The following TMCO6 variants were observed in gnomAD, a reference collection of about 807,000 sequenced individuals.
The protein encoded by TMCO6 is transmembrane and coiled-coil domains 6, also known as transmembrane and coiled-coil domain-containing protein 6.
In TMCO6, 47 loss-of-function variants were observed where a neutral mutation model predicts 61.8. That is an observed-to-expected ratio of 0.76 (90% CI 0.60 to 0.97). The LOEUF is 0.97. Ranked by LOEUF, TMCO6 falls within the 50% of genes least tolerant of loss-of-function variation. The pLI is 0.00. For synonymous variants in TMCO6, 261 were observed against 254.2 expected, an observed-to-expected ratio of 1.03 and a Z score of -0.25; for missense variants, 557 against 601.6, an observed-to-expected ratio of 0.93 and a Z score of 0.78.
At chr5:140,647,027 C>G (rs577196441), downstream of TMCO6, 1 of 503,788 alleles carries the variant, frequency 2.0e-6, no homozygotes. Flanking sequence ...ACGTCAGCTC[C>G]TGGTCCCTAC....
chr5:140,644,858 C>T (rs998662281), intron 11 of TMCO6, 118 bp downstream of exon 11: 6 of 1,507,270 alleles, frequency 4.0e-6, no homozygotes, highest in Non-Finnish European at 5.4e-6. Context: ...TATATAGGTT[C>T]CATGTCAGAA....
chr5:140,614,762 C>CCG, the TMCO6 span, among the ~76,000 whole-genome samples: 1 of 151,974 alleles, frequency 6.6e-6, no homozygotes, highest in Non-Finnish European at 1.5e-5. Context: ...CTACAGGCGC[C>CCG]CGCCACCACG....
chr5:140,642,952 G>A lies in TMCO6; in HGVS notation c.717G>A (p.Gln239=), dbSNP rs1757135925. 1 of 1,614,134 alleles carries A rather than the reference G, an allele frequency of 6.2e-7. No individual in the cohort carries two copies. The highest frequency in any genetic ancestry group is 1.7e-5 in the Admixed American group (1 of 60,014). Residue 239 remains glutamine (Q), a synonymous_variant, in exon 7 of 12, where the codon CAG becomes CAA. Coordinates refer to ENST00000394671, the MANE Select transcript of TMCO6 (RefSeq NM_018502.5). ...CCATCTTGGCCTCCACTCTCCCTCA[G>A]CACATGCTACAAATGTTGCAACCTG... ...IPSILASTLP[Q]HMLQMLQPGP...
In TMCO6 at chr5:140,644,212, T is replaced by A; in HGVS notation, c.1200+18T>A. On this transcript the variant is annotated intron_variant, in intron 10 of 11. Coordinates refer to ENST00000394671, the MANE Select transcript of TMCO6 (RefSeq NM_018502.5). The stretch of plus-strand genomic sequence containing the variant: ...GCGTAATGGTATGTATTGGGGTTAC[T>A]TGAATCCAAGATCTGGTAGTCGGAT... 6.2e-7 allele frequency: 1 copy of A among 1,611,088 alleles called. No individual in the cohort carries two copies. Among genetic ancestry groups the A allele is most frequent in the South Asian group, 1.1e-5 (1 of 91,032 alleles).
upstream of TMCO6, among the ~76,000 whole-genome samples, chr5:140,637,610 G>A (rs1474195152): frequency 6.6e-6 from 1 of 152,110 alleles, no homozygotes; most frequent in Non-Finnish European, 1.5e-5. Flanking sequence ...GGTTGAACGT[G>A]CCTCATTATA....
At chr5:140,647,072 C>T, downstream of TMCO6, 1 of 681,594 alleles carries the variant, frequency 1.5e-6, no homozygotes, top group Non-Finnish European at 2.3e-6. Context: ...TTATGTTGCC[C>T]GGAATACAAC....
At chr5:140,607,154 A>G in the TMCO6 span, among the ~76,000 whole-genome samples, 2 of 152,162 alleles carry the variant, frequency 1.3e-5, no homozygotes, top group Non-Finnish European at 2.9e-5. Context: ...GCTTTTCATC[A>G]TCCTAAACAG....
intron 7 of TMCO6, 42 bp from the exon 8 acceptor site, chr5:140,643,522 A>AT (rs750721159): frequency 6.4e-7 from 1 of 1,567,122 alleles, no homozygotes; most frequent in Non-Finnish European, 8.8e-7. Flanking sequence ...TAAAGGTGGA[A>AT]TTGACTATAT....
chr5:140,643,359 GC>G, intron 7 of TMCO6: 1 of 607,100 alleles, frequency 1.6e-6, no homozygotes. Flanking sequence ...ACTATGCCCG[GC>G]TAATTTTTGT....
intron 2 of TMCO6, among the ~76,000 whole-genome samples, chr5:140,640,080 T>C (rs1281713644): frequency 6.6e-6 from 1 of 152,166 alleles, no homozygotes; most frequent in African/African-American, 2.4e-5. Flanking sequence ...TTTGGAGTCT[T>C]TACATGCCTC....
the TMCO6 span, among the ~76,000 whole-genome samples, chr5:140,623,561 T>C: frequency 6.6e-6 from 1 of 152,192 alleles, no homozygotes; most frequent in Non-Finnish European, 1.5e-5. Context: ...CCCGCAACAG[T>C]TCAAGTTACA....
chr5:140,632,735 A>G, the TMCO6 span: 3 of 1,613,574 alleles, frequency 1.9e-6, no homozygotes, highest in Admixed American at 1.7e-5. The surrounding 1 kb of genome is among the most constrained non-coding windows in gnomAD (Gnocchi z 6.2). Context: ...TGACCGTGTC[A>G]GCATACTGCC....
At chr5:140,643,393 C>G (rs945721956) in intron 7 of TMCO6, 171 bp from the exon 8 acceptor site, 1 of 691,402 alleles carries the variant, frequency 1.4e-6, no homozygotes, top group Non-Finnish European at 2.5e-6. Context: ...GACGGAGTTT[C>G]GCCATGTTGG....
intron 9 of TMCO6, 28 bp from the exon 10 acceptor site, chr5:140,644,072 G>A: frequency 6.2e-7 from 1 of 1,613,478 alleles, no homozygotes; most frequent in Non-Finnish European, 8.5e-7. Context: ...GGGGAAAGCA[G>A]TTTTTCACCC....
the TMCO6 span, among the ~76,000 whole-genome samples, chr5:140,611,129 T>C: frequency 6.6e-6 from 1 of 152,162 alleles, no homozygotes; most frequent in Non-Finnish European, 1.5e-5. Context: ...CTAACCAAGT[T>C]AGGTCAGAGC....
chr5:140,624,377 A>G, the TMCO6 span, among the ~76,000 whole-genome samples: 7 of 71,244 alleles, frequency 9.8e-5, no homozygotes, highest in Non-Finnish European at 1.5e-4. Context: ...ATAAATGAAT[A>G]AATAAATAAA....
At chr5:140,609,340 G>T in the TMCO6 span, 1 of 253,622 alleles carries the variant, frequency 3.9e-6, no homozygotes, top group South Asian at 4.4e-5. Flanking sequence ...GTGCCAACAG[G>T]AAGCAGGAGG....
chr5:140,624,734 G>A, the TMCO6 span, among the ~76,000 whole-genome samples: 1 of 151,500 alleles, frequency 6.6e-6, no homozygotes, highest in Non-Finnish European at 1.5e-5. Flanking sequence ...TGCCATATTG[G>A]CCAGGCTGGT....
chr5:140,632,279 C>T, the TMCO6 span: 1 of 1,613,892 alleles, frequency 6.2e-7, no homozygotes, highest in Non-Finnish European at 8.5e-7. The surrounding 1 kb of genome is among the most constrained non-coding windows in gnomAD (Gnocchi z 6.2). Flanking sequence ...CTGTGGGCGT[C>T]TCCATTCCTG....
Sources: gnomAD v4.1 joint callset for allele counts (sites outside exome capture counted in the v4.1 genomes callset) on GRCh38, gnomAD v4.1.1 for gene constraint, Gnocchi (gnomAD v3.1) non-coding constraint, MANE v1.5 for transcripts, NCBI Gene and HGNC (gene_info 2026-07-23, HGNC 2026-07-21) for gene names.